The following DMD variants were observed in gnomAD, a reference collection of about 807,000 sequenced individuals.
DMD encodes the protein mutant dystrophin.
Under a neutral mutation model 330.1 loss-of-function variants are expected in DMD, and 63 were observed. The ratio of observed to expected loss-of-function variants is 0.19; its 90% CI spans 0.16 to 0.24. The LOEUF (loss-of-function observed/expected upper bound fraction) is 0.24. Ranked by LOEUF, DMD falls within the 10% of genes least tolerant of loss-of-function variation. The pLI is 1.00. For missense variants in DMD, 3,344 were observed against 2,684.1 expected, an observed-to-expected ratio of 1.25 and a Z score of -5.43; for synonymous variants, 1,223 against 959.8, an observed-to-expected ratio of 1.27 and a Z score of -5.07.
At chrX:32,392,002 T>A (rs370837742) in intron 30 of DMD, among the ~76,000 whole-genome samples, 21 of 111,704 alleles carry the variant, frequency 1.9e-4, no homozygotes, top group African/African-American at 6.8e-4. Flanking sequence ...ACACAATGCT[T>A]GTGTTAAGAG....
intron 59 of DMD, among the ~76,000 whole-genome samples, chrX:31,446,262 G>C (rs1460681029): frequency 2.7e-5 from 3 of 112,060 alleles, no homozygotes; most frequent in Non-Finnish European, 3.8e-5. Context: ...GTTTTAAAAA[G>C]TGGTCATTAA....
intron 52 of DMD, among the ~76,000 whole-genome samples, chrX:31,685,132 T>C (rs1230979604): frequency 1.8e-5 from 2 of 111,900 alleles, no homozygotes; most frequent in East Asian, 5.6e-4. Flanking sequence ...CCAAAGCCCA[T>C]AGAACCAAAA....
chrX:33,308,213 C>G (rs1463890705), intron 1 of DMD, among the ~76,000 whole-genome samples: 1 of 111,748 alleles, frequency 8.9e-6, no homozygotes, highest in African/African-American at 3.3e-5. Context: ...TTAAAAGATT[C>G]AAAAACACAA....
At chrX:32,659,567 C>T (rs769142498) in intron 9 of DMD, among the ~76,000 whole-genome samples, 8 of 110,784 alleles carry the variant, frequency 7.2e-5, no homozygotes, top group African/African-American at 2.6e-4. Flanking sequence ...TCTCGGAAGC[C>T]TCACGACAGT....
At chrX:31,923,265 C>T (rs764036879) in intron 47 of DMD, among the ~76,000 whole-genome samples, 318 of 111,435 alleles carry the variant, frequency 2.9e-3, no homozygotes, top group Non-Finnish European at 5.2e-3. Context: ...CTACTCCCTT[C>T]CCCCAACCCT....
intron 2 of DMD, among the ~76,000 whole-genome samples, chrX:32,890,663 T>C (rs763204509): frequency 4.0e-4 from 45 of 111,248 alleles, no homozygotes; most frequent in Non-Finnish European, 5.8e-4. Context: ...ACATCCCAGA[T>C]TGTCTAAAAA....
chrX:31,658,505 AAAACCTC>A (rs2080923417), intron 53 of DMD, among the ~76,000 whole-genome samples: 1 of 112,187 alleles, frequency 8.9e-6, no homozygotes, highest in South Asian at 3.7e-4. Context: ...TTGAACGAAA[AAAACCTC>A]ATACATTTCT....
intron 74 of DMD, among the ~76,000 whole-genome samples, chrX:31,165,554 G>C (rs892227626): frequency 9.0e-6 from 1 of 111,379 alleles, no homozygotes; most frequent in African/African-American, 3.3e-5. Context: ...GCAAGTCTTG[G>C]TTTATTTAGA....
intron 1 of DMD, among the ~76,000 whole-genome samples, chrX:33,163,008 G>T (rs750963501): frequency 1.8e-5 from 2 of 111,777 alleles, no homozygotes; most frequent in Non-Finnish European, 3.8e-5. Context: ...CTGGAGGAAA[G>T]TCCACCTCTG....
chrX:33,184,451 C>T (rs1392798826), intron 1 of DMD, among the ~76,000 whole-genome samples: 1 of 111,049 alleles, frequency 9.0e-6, no homozygotes, highest in Non-Finnish European at 1.9e-5. Context: ...CTAGGTCAAA[C>T]AAAGCAAAGC....
rs187591612 is a variant in DMD at position 31,541,409 on chromosome X, T to C, written c.8218-33956A>G. Among the ~76,000 whole-genome samples the C allele has an allele frequency of 4.6e-3, 502 of 109,936 alleles. 3 individuals carry two copies. The highest frequency in any genetic ancestry group is 8.9e-3 in the South Asian group (22 of 2,475). On this transcript the variant is annotated intron_variant, in intron 55 of 78. Coordinates refer to ENST00000357033, the MANE Select transcript of DMD (RefSeq NM_004006.3). Reference sequence around the variant, plus strand: ...AACGTGCGGGTTTGTTACATATGTATACATGTGCCATGTTGGTGTGCTGCA... The same window carrying C: ...AACGTGCGGGTTTGTTACATATGTACACATGTGCCATGTTGGTGTGCTGCA...
rs975250647 is a variant in DMD, at chrX:33,211,087, A to G, written c.31+195T>C. Among the ~76,000 whole-genome samples the G allele has an allele frequency of 4.5e-5, 5 of 111,659 alleles. No homozygotes were observed. The Admixed American group carries it at 4.8e-4, about 11-fold the overall frequency. Reference sequence around the variant, plus strand: ...TCGCAAAGAAAAACTTTTACACTCCATTTCTGTTGAAAAGTTTTCCCAATG... The same window carrying G: ...TCGCAAAGAAAAACTTTTACACTCCGTTTCTGTTGAAAAGTTTTCCCAATG... On this transcript the variant is annotated intron_variant, in intron 1 of 78. Coordinates refer to ENST00000357033, the MANE Select transcript of DMD (RefSeq NM_004006.3).
intron 2 of DMD, among the ~76,000 whole-genome samples, chrX:32,863,942 T>C (rs1240242867): frequency 8.9e-6 from 1 of 111,738 alleles, no homozygotes; most frequent in Non-Finnish European, 1.9e-5. Flanking sequence ...ATCAAAGAAA[T>C]TGGAAACACA....
At chrX:32,672,544 C>A (rs1356085473) in intron 9 of DMD, among the ~76,000 whole-genome samples, 2 of 110,651 alleles carry the variant, frequency 1.8e-5, no homozygotes, top group East Asian at 5.7e-4. Flanking sequence ...CCTCCCCAAT[C>A]CCATGCATAA....
intron 26 of DMD, 142 bp downstream of exon 26, chrX:32,454,520 A>T (rs2098347385): frequency 4.1e-6 from 2 of 482,380 alleles, no homozygotes; most frequent in South Asian, 7.2e-5. Flanking sequence ...TTGAAGCTAA[A>T]TTAAAATTAT....
intron 41 of DMD, among the ~76,000 whole-genome samples, chrX:32,311,477 T>TA (rs896308841): frequency 1.7e-4 from 19 of 111,561 alleles, no homozygotes; most frequent in African/African-American, 5.9e-4. Flanking sequence ...TTACATGATA[T>TA]AAAAAATGAA....
intron 41 of DMD, among the ~76,000 whole-genome samples, chrX:32,311,070 G>T (rs1172251388): frequency 9.1e-6 from 1 of 110,450 alleles, no homozygotes; most frequent in East Asian, 2.9e-4. Context: ...CTTTATAAGA[G>T]CAAAAAATAA....
intron 55 of DMD, among the ~76,000 whole-genome samples, chrX:31,616,506 T>C: frequency 9.0e-6 from 1 of 111,690 alleles, no homozygotes; most frequent in Non-Finnish European, 1.9e-5. Context: ...TAGAATATTC[T>C]GAAGGGCTTT....
At chrX:32,485,636 T>C (rs914608725) in intron 20 of DMD, among the ~76,000 whole-genome samples, 4 of 107,974 alleles carry the variant, frequency 3.7e-5, no homozygotes, top group Admixed American at 1.0e-4. Context: ...ATAATACTTA[T>C]ACATATGTAT....
Sources: gnomAD v4.1 joint callset for allele counts (sites outside exome capture counted in the v4.1 genomes callset) on GRCh38, gnomAD v4.1.1 for gene constraint, MANE v1.5 for transcripts, NCBI Gene and HGNC (gene_info 2026-07-23, HGNC 2026-07-21) for gene names.